Variants in GALNT18 observed in about 807,000 individuals in gnomAD.
GALNT18 encodes the protein polypeptide N-acetylgalactosaminyltransferase 18.
Under a neutral mutation model 69.5 loss-of-function variants are expected in GALNT18, and 44 were observed. The observed-to-expected ratio is 0.63, with a 90% CI of 0.50 to 0.81. GALNT18 has a LOEUF of 0.81. Ranked by LOEUF, GALNT18 falls within the 40% of genes least tolerant of loss-of-function variation. The probability of loss-of-function intolerance (pLI) is 0.00; values close to 1 mark genes in which losing one functional copy is unlikely to be tolerated. For synonymous variants in GALNT18, 364 were observed against 318.2 expected, an observed-to-expected ratio of 1.14 and a Z score of -1.53; for missense variants, 715 against 810.0, an observed-to-expected ratio of 0.88 and a Z score of 1.42.
chr11:11,290,513 CTG>C (rs957379375), intron 10 of GALNT18, among the ~76,000 whole-genome samples: 1 of 152,210 alleles, frequency 6.6e-6, no homozygotes, highest in African/African-American at 2.4e-5. Context: ...CCGCTCCCCA[CTG>C]TGCCCTCCAG....
In GALNT18 at chr11:11,555,074, C is replaced by T. The variant is rs1858294976; in HGVS notation, c.235+66285G>A. Among the ~76,000 whole-genome samples the T allele has an allele frequency of 6.6e-6, 1 of 152,202 alleles. No homozygotes were observed. The highest frequency in any genetic ancestry group is 1.5e-5 in the Non-Finnish European group (1 of 68,032). On this transcript the variant is annotated intron_variant, in intron 1 of 10. Coordinates refer to ENST00000227756, the MANE Select transcript of GALNT18 (RefSeq NM_198516.3). The surrounding 1 kb of genome is among the most constrained non-coding windows in gnomAD (Gnocchi z 4.7). ...CCCAATAAAGTGTCTATCATTTCTG[C>T]CATTCTACAGTTGTGGAAATTGACA...
intron 1 of GALNT18, among the ~76,000 whole-genome samples, chr11:11,567,432 T>G (rs1289787700): frequency 1.3e-5 from 2 of 152,226 alleles, no homozygotes; most frequent in African/African-American, 4.8e-5. Context: ...GATTCAGTTT[T>G]GATTTTTCAT....
chr11:11,512,088 C>T (rs1187183669), intron 1 of GALNT18, among the ~76,000 whole-genome samples: 1 of 152,096 alleles, frequency 6.6e-6, no homozygotes, highest in Non-Finnish European at 1.5e-5. Context: ...TCACAGATTC[C>T]CTAAAGCCCA....
rs998195532 is a variant in GALNT18 at position 11,338,161 on chromosome 11, T to C, written c.1278+2658A>G. Reference sequence around the variant, plus strand: ...TTTTGTATTTTTAGTAGAGATGGGGTTTCACCATGTTGGCCAGGCTGTTCT... The same window carrying C: ...TTTTGTATTTTTAGTAGAGATGGGGCTTCACCATGTTGGCCAGGCTGTTCT... On this transcript the variant is annotated intron_variant, in intron 7 of 10. Coordinates refer to ENST00000227756, the MANE Select transcript of GALNT18 (RefSeq NM_198516.3). The surrounding 1 kb of genome is among the most constrained non-coding windows in gnomAD (Gnocchi z 5.3). Among the ~76,000 whole-genome samples the C allele has an allele frequency of 6.6e-5, 10 of 151,560 alleles. No individual in the cohort carries two copies. The highest frequency in any genetic ancestry group is 2.4e-4 in the African/African-American group (10 of 41,262).
chr11:11,275,203 T>C (rs576262099), intron 10 of GALNT18, among the ~76,000 whole-genome samples: 49 of 152,300 alleles, frequency 3.2e-4, no homozygotes, highest in African/African-American at 1.0e-3. Context: ...CTCTCTAGCA[T>C]CTGTTGTTTC....
chr11:11,282,506 A>G (rs1027942167), intron 10 of GALNT18, among the ~76,000 whole-genome samples: 8 of 152,198 alleles, frequency 5.3e-5, no homozygotes, highest in Non-Finnish European at 1.2e-4. Flanking sequence ...CCAGGGTCAC[A>G]TGGTCAGTAA....
chr11:11,373,752 G>A (rs1429122341), intron 5 of GALNT18, among the ~76,000 whole-genome samples: 1 of 152,230 alleles, frequency 6.6e-6, no homozygotes, highest in Non-Finnish European at 1.5e-5. Context: ...TTCACATGAG[G>A]TGAGTTAGCG....
At chr11:11,410,207 T>C (rs1409076280) in intron 3 of GALNT18, among the ~76,000 whole-genome samples, 1 of 152,180 alleles carries the variant, frequency 6.6e-6, no homozygotes, top group Non-Finnish European at 1.5e-5. Context: ...CCTTCAGGCC[T>C]GGAGTAGGAG....
At position 11,592,001 on chromosome 11, in the gene GALNT18, A is replaced by G. The variant is rs1345923322; in HGVS notation, c.235+29358T>C. On this transcript the variant is annotated intron_variant, in intron 1 of 10. Transcript: ENST00000227756. The surrounding 1 kb of genome is among the most constrained non-coding windows in gnomAD (Gnocchi z 5.9). ...TCTGTGCCTCAATTTTATAATAGAA[A>G]AAGGGGATAATAATAGCATATCTCA... 6.6e-6 allele frequency among the ~76,000 whole-genome samples: 1 copy of G among 152,216 alleles called. No homozygotes were observed. The highest frequency in any genetic ancestry group is 1.9e-4 in the East Asian group (1 of 5,200).
chr11:11,608,907 T>A (rs1859818264), intron 1 of GALNT18, among the ~76,000 whole-genome samples: 1 of 152,234 alleles, frequency 6.6e-6, no homozygotes, highest in Non-Finnish European at 1.5e-5. Flanking sequence ...TCTTCAAAGA[T>A]GTGTCATTAG....
chr11:11,403,274 T>C (rs1854508052), intron 3 of GALNT18, among the ~76,000 whole-genome samples: 1 of 152,196 alleles, frequency 6.6e-6, no homozygotes, highest in African/African-American at 2.4e-5. Context: ...CATGCCCTGC[T>C]TGATTATCTC....
At chr11:11,296,435 A>AT (rs2133010280) in intron 9 of GALNT18, among the ~76,000 whole-genome samples, 1 of 152,290 alleles carries the variant, frequency 6.6e-6, no homozygotes, top group South Asian at 2.1e-4. Flanking sequence ...CCTCCTTAGG[A>AT]CACTGTAGCT....
intron 10 of GALNT18, among the ~76,000 whole-genome samples, chr11:11,286,492 CTTT>C (rs58774538): frequency 4.9e-4 from 74 of 150,680 alleles, no homozygotes; most frequent in Non-Finnish European, 6.7e-4. Context: ...TGTTAGATGA[CTTT>C]TTTTTTTCTC....
chr11:11,548,245 A>C (rs1858107946), intron 1 of GALNT18, among the ~76,000 whole-genome samples: 1 of 152,244 alleles, frequency 6.6e-6, no homozygotes, highest in Non-Finnish European at 1.5e-5. Flanking sequence ...TCAGCTGCAA[A>C]AGTGAGCACA....
intron 3 of GALNT18, among the ~76,000 whole-genome samples, chr11:11,406,401 T>TA (rs1255422612): frequency 6.6e-6 from 1 of 152,246 alleles, no homozygotes; most frequent in Non-Finnish European, 1.5e-5. Context: ...ACTATCAAAT[T>TA]ACAGTTAAAG....
At chr11:11,371,840 A>G (rs1850914707) in intron 6 of GALNT18, among the ~76,000 whole-genome samples, 1 of 152,198 alleles carries the variant, frequency 6.6e-6, no homozygotes, top group Non-Finnish European at 1.5e-5. Flanking sequence ...GCCAAGGGGG[A>G]AGAGCCAGAA....
chr11:11,349,386 T>G (rs1394015585), intron 6 of GALNT18, among the ~76,000 whole-genome samples: 2 of 152,196 alleles, frequency 1.3e-5, no homozygotes, highest in East Asian at 3.8e-4. Flanking sequence ...TTCCAAATAA[T>G]GTGGATCACA....
intron 9 of GALNT18, among the ~76,000 whole-genome samples, chr11:11,326,648 G>C (rs1849925099): frequency 6.6e-6 from 1 of 152,156 alleles, no homozygotes; most frequent in Non-Finnish European, 1.5e-5. Context: ...CCCCAGCTAT[G>C]ATCTACTAAA....
intron 6 of GALNT18, among the ~76,000 whole-genome samples, chr11:11,346,183 T>C (rs1850300082): frequency 1.3e-5 from 2 of 152,246 alleles, no homozygotes; most frequent in African/African-American, 4.8e-5. Flanking sequence ...CTTTTACTTC[T>C]GTACTTATTC....
Sources: allele counts gnomAD v4.1 joint callset (sites outside exome capture counted in the v4.1 genomes callset), GRCh38; gene constraint gnomAD v4.1.1; non-coding constraint Gnocchi (gnomAD v3.1); transcripts MANE v1.5; gene names NCBI Gene and HGNC (gene_info 2026-07-23, HGNC 2026-07-21).